Variants in FGF18 observed in about 807,000 individuals in gnomAD.
FGF18 encodes the protein fibroblast growth factor 18.
Under a neutral mutation model 23.0 loss-of-function variants are expected in FGF18, and 5 were observed. The ratio of observed to expected loss-of-function variants is 0.22; its 90% CI spans 0.11 to 0.46. The LOEUF (loss-of-function observed/expected upper bound fraction) is 0.46, where lower values mean the gene tolerates loss of function less well. Among genes scored for constraint, FGF18 ranks in the 20% least tolerant of loss-of-function variants. The pLI, the probability that FGF18 is intolerant of heterozygous loss-of-function variation, is 0.99. For synonymous variants in FGF18, 117 were observed against 118.9 expected, an observed-to-expected ratio of 0.98 and a Z score of 0.10; for missense variants, 180 against 291.6, an observed-to-expected ratio of 0.62 and a Z score of 2.79.
chr5:171,422,017 G>A (rs1036714039), intron 2 of FGF18, among the ~76,000 whole-genome samples: 2 of 152,162 alleles, frequency 1.3e-5, no homozygotes, highest in African/African-American at 4.8e-5. Context: ...ACCTGGGCAA[G>A]AGCTCTTTTC....
chr5:171,422,641 G>T (rs1772032620), intron 2 of FGF18, among the ~76,000 whole-genome samples: 1 of 152,210 alleles, frequency 6.6e-6, no homozygotes, highest in African/African-American at 2.4e-5. Context: ...AGGTGGGGTG[G>T]CCTTAATGGT....
At chr5:171,449,386 TGTGTGTGTGTGTGTGA>T (rs1365178404) in intron 4 of FGF18, 133 bp downstream of exon 4, 6 of 506,446 alleles carry the variant, frequency 1.2e-5, no homozygotes, top group Non-Finnish European at 2.2e-5. Context: ...TGTGTGTGTG[TGTGTGTGTGTGTGTGA>T]GAGAGAGAGA....
Position 171,456,046 on chromosome 5 carries a change from G to A in FGF18, c.358-493G>A, listed in dbSNP as rs574805738. On this transcript the variant is annotated intron_variant, in intron 4 of 4. Coordinates refer to ENST00000274625, the MANE Select transcript of FGF18 (RefSeq NM_003862.3). The surrounding 1 kb of genome is among the most constrained non-coding windows in gnomAD (Gnocchi z 6.1). ...CCTGCCCATGCCCCTTGTACCTGCT[G>A]TCTCCTCTCTCTCCTCCTAACAAAG... 1.6e-4 allele frequency among the ~76,000 whole-genome samples: 24 copies of A among 152,266 alleles called. No homozygotes were observed. Among genetic ancestry groups the A allele is most frequent in the African/African-American group, 5.8e-4 (24 of 41,540 alleles).
At chr5:171,430,993 C>T (rs147808998) in intron 2 of FGF18, among the ~76,000 whole-genome samples, 70 of 152,048 alleles carry the variant, frequency 4.6e-4, no homozygotes, top group African/African-American at 1.5e-3. Flanking sequence ...GTGAGTGTTG[C>T]GTGTGTGGTG....
chr5:171,448,134 G>C (rs747721290), intron 3 of FGF18, among the ~76,000 whole-genome samples: 2 of 152,214 alleles, frequency 1.3e-5, no homozygotes, highest in African/African-American at 4.8e-5. Flanking sequence ...TTGCCTGCTT[G>C]ATGTCCTTGT....
intron 4 of FGF18, among the ~76,000 whole-genome samples, chr5:171,450,507 G>A (rs1223157315): frequency 6.6e-6 from 1 of 152,186 alleles, no homozygotes; most frequent in Non-Finnish European, 1.5e-5. Flanking sequence ...CCACGCCCGG[G>A]CACTTGTCCC....
intron 2 of FGF18, among the ~76,000 whole-genome samples, chr5:171,433,515 C>T (rs571179271): frequency 4.6e-5 from 7 of 152,254 alleles, no homozygotes; most frequent in African/African-American, 1.7e-4. Context: ...GGACAAATGC[C>T]CACCAGGTGT....
intron 4 of FGF18, among the ~76,000 whole-genome samples, 156 bp downstream of exon 4, chr5:171,449,409 G>A (rs1431051121): frequency 6.6e-6 from 1 of 150,528 alleles, no homozygotes; most frequent in Non-Finnish European, 1.5e-5. Flanking sequence ...GTGAGAGAGA[G>A]AGAGAGAGAG....
chr5:171,447,317 G>A (rs1055332320), intron 3 of FGF18, among the ~76,000 whole-genome samples: 1 of 152,120 alleles, frequency 6.6e-6, no homozygotes, highest in Non-Finnish European at 1.5e-5. Flanking sequence ...TGATCTTTAC[G>A]AAGAGATGGA....
intron 3 of FGF18, among the ~76,000 whole-genome samples, chr5:171,448,134 G>A (rs747721290): frequency 6.6e-6 from 1 of 152,214 alleles, no homozygotes; most frequent in Non-Finnish European, 1.5e-5. Context: ...TTGCCTGCTT[G>A]ATGTCCTTGT....
intron 4 of FGF18, among the ~76,000 whole-genome samples, chr5:171,455,527 T>C (rs1366101657): frequency 1.3e-5 from 2 of 152,206 alleles, no homozygotes; most frequent in Non-Finnish European, 2.9e-5. Flanking sequence ...TGAGGTAATG[T>C]GAGCTTCAGA....
At chr5:171,429,079 T>A (rs7723046) in intron 2 of FGF18, among the ~76,000 whole-genome samples, 24,818 of 152,080 alleles carry the variant, frequency 0.16, 2,302 homozygotes, top group South Asian at 0.31. Flanking sequence ...CTGGCTGAGT[T>A]GGTGTGCGGA....
At chr5:171,453,214 G>C (rs996372414) in intron 4 of FGF18, among the ~76,000 whole-genome samples, 9 of 152,208 alleles carry the variant, frequency 5.9e-5, no homozygotes, top group African/African-American at 2.2e-4. Context: ...GCCAGGAGCA[G>C]AGGCAAGCGT....
intron 4 of FGF18, among the ~76,000 whole-genome samples, chr5:171,452,647 A>G (rs1772533408): frequency 6.6e-6 from 1 of 151,788 alleles, no homozygotes; most frequent in Non-Finnish European, 1.5e-5. Flanking sequence ...TTTTTTCCCC[A>G]TCTCTGGAGA....
intron 2 of FGF18, among the ~76,000 whole-genome samples, chr5:171,432,270 T>C (rs1581272431): frequency 6.6e-6 from 1 of 152,144 alleles, no homozygotes; most frequent in Admixed American, 6.5e-5. Flanking sequence ...GCAGCCCCGC[T>C]ATGCATGTGC....
intron 2 of FGF18, among the ~76,000 whole-genome samples, chr5:171,433,364 C>T (rs964222165): frequency 2.0e-5 from 3 of 152,054 alleles, no homozygotes; most frequent in Admixed American, 1.3e-4. Flanking sequence ...GACCTCTGGT[C>T]GATAAGGTCT....
Position 171,451,058 on chromosome 5 carries a change from C to T in FGF18, c.357+1805C>T, listed in dbSNP as rs1041515738. 2.6e-5 allele frequency among the ~76,000 whole-genome samples: 4 copies of T among 151,726 alleles called. No homozygotes were observed. Among genetic ancestry groups the T allele is most frequent in the South Asian group, 2.1e-4 (1 of 4,812 alleles). On this transcript the variant is annotated intron_variant, in intron 4 of 4. Transcript: ENST00000274625. The surrounding 1 kb of genome is among the most constrained non-coding windows in gnomAD (Gnocchi z 4.5). ...GCCCCGTCCCCTCGGGCCGCCCCCC[C>T]ACCCCGCCGCCGGCCGCCTCCCGCC... is the stretch of plus-strand genomic sequence containing the variant.
At position 171,431,402 on chromosome 5, in the gene FGF18, C is replaced by T. The variant is rs551350388; in HGVS notation, c.70-4691C>T. On this transcript the variant is annotated intron_variant, in intron 2 of 4. Transcript: ENST00000274625. ...GAGCTGCACCGGGAGAGGATGAGAC[C>T]GAAGGCAGAAGGTGGGTGGGCTCTG... 6.1e-4 allele frequency among the ~76,000 whole-genome samples: 93 copies of T among 152,212 alleles called. 4 individuals are homozygous for T. In the South Asian group the frequency reaches 0.018, roughly 30 times the overall value.
chr5:171,448,664 G>A (rs1772451807), intron 3 of FGF18, among the ~76,000 whole-genome samples: 1 of 152,164 alleles, frequency 6.6e-6, no homozygotes, highest in Middle Eastern at 3.4e-3. Flanking sequence ...TGGGGGATGG[G>A]GTTATTTGCA....
Sources: gnomAD v4.1 joint callset for allele counts (sites outside exome capture counted in the v4.1 genomes callset) on GRCh38, gnomAD v4.1.1 for gene constraint, Gnocchi (gnomAD v3.1) non-coding constraint, MANE v1.5 for transcripts, NCBI Gene and HGNC (gene_info 2026-07-23, HGNC 2026-07-21) for gene names.